The following ZNF407 variants were observed in gnomAD, a reference collection of about 807,000 sequenced individuals.
The protein encoded by ZNF407 is zinc finger protein 407.
In ZNF407, 17 loss-of-function variants were observed where a neutral mutation model predicts 131.2. The ratio of observed to expected loss-of-function variants is 0.13; its 90% CI spans 0.09 to 0.19. The LOEUF (loss-of-function observed/expected upper bound fraction) is 0.19. Ranked by LOEUF, ZNF407 falls within the 10% of genes least tolerant of loss-of-function variation. The probability of loss-of-function intolerance (pLI) is 1.00; values close to 1 mark genes in which losing one functional copy is unlikely to be tolerated. For synonymous variants in ZNF407, 1,156 were observed against 1,062.0 expected, an observed-to-expected ratio of 1.09 and a Z score of -1.72; for missense variants, 2,681 against 2,830.6, an observed-to-expected ratio of 0.95 and a Z score of 1.20.
intron 4 of ZNF407, among the ~76,000 whole-genome samples, chr18:74,813,465 C>G (rs1436391124): frequency 1.6e-5 from 2 of 125,402 alleles, no homozygotes; most frequent in Non-Finnish European, 3.1e-5. Context: ...TGCGTCACCC[C>G]CTTCACCCCA....
chr18:74,765,346 C>T (rs960936786), intron 3 of ZNF407, among the ~76,000 whole-genome samples: 3 of 151,900 alleles, frequency 2.0e-5, no homozygotes, highest in Admixed American at 6.6e-5. Flanking sequence ...TCATTGAATT[C>T]TAGACATTGT....
chr18:74,893,271 G>C (rs1400297080), intron 7 of ZNF407, among the ~76,000 whole-genome samples: 1 of 152,152 alleles, frequency 6.6e-6, no homozygotes, highest in Non-Finnish European at 1.5e-5. Context: ...ATAGCTACCA[G>C]ATTTCCCTTT....
At position 74,633,512 on chromosome 18, in the gene ZNF407, T is replaced by A. The variant is rs202084477; in HGVS notation, c.2493T>A (p.Asp831Glu). The part of the protein sequence containing the change: ...LSQSGGSTKD[D>E]ELASTTTPKR... The stretch of plus-strand genomic sequence containing the variant: ...AGTCTGGTGGTAGCACCAAAGATGA[T>A]GAATTAGCTTCAACCACTACTCCAA... The change falls in exon 2 of 9, where the codon GAT (aspartate) becomes GAA (glutamate). Residue 831 changes from aspartate to glutamate, a missense_variant. Physicochemically the swap from Asp to Glu is conservative, Grantham distance 45. Coordinates refer to ENST00000299687, the MANE Select transcript of ZNF407 (RefSeq NM_017757.3). 173 of 1,613,826 alleles carry A rather than the reference T, an allele frequency of 1.1e-4. No individual in the cohort carries two copies. Among genetic ancestry groups the A allele is most frequent in the Non-Finnish European group, 1.4e-4 (163 of 1,179,876 alleles).
intron 8 of ZNF407, among the ~76,000 whole-genome samples, chr18:75,007,118 TC>T (rs1972919709): frequency 6.6e-6 from 1 of 152,230 alleles, no homozygotes; most frequent in Non-Finnish European, 1.5e-5. Flanking sequence ...CATAATCCTG[TC>T]TGGAAAACTT....
At chr18:74,736,631 A>G (rs1192978956) in intron 3 of ZNF407, among the ~76,000 whole-genome samples, 1 of 152,200 alleles carries the variant, frequency 6.6e-6, no homozygotes, top group Non-Finnish European at 1.5e-5. Flanking sequence ...CAACTGTTCT[A>G]TGATGGCTGT....
At chr18:74,882,939 C>T (rs1971257697) in intron 6 of ZNF407, among the ~76,000 whole-genome samples, 1 of 152,218 alleles carries the variant, frequency 6.6e-6, no homozygotes, top group South Asian at 2.1e-4. Context: ...CCTTGTCCCA[C>T]CTGGTATGGC....
intron 8 of ZNF407, among the ~76,000 whole-genome samples, chr18:74,972,594 T>G (rs975274750): frequency 6.6e-6 from 1 of 152,242 alleles, no homozygotes; most frequent in Non-Finnish European, 1.5e-5. Flanking sequence ...CACCTTGATT[T>G]CCTTTGGCTT....
intron 6 of ZNF407, among the ~76,000 whole-genome samples, chr18:74,882,075 G>C (rs1033240717): frequency 7.9e-5 from 12 of 152,118 alleles, no homozygotes; most frequent in African/African-American, 2.4e-4. Context: ...CCTCCCACCA[G>C]GTCTCTCCCA....
chr18:74,806,430 G>A (rs1164689605), intron 4 of ZNF407, among the ~76,000 whole-genome samples: 2 of 152,210 alleles, frequency 1.3e-5, no homozygotes, highest in Admixed American at 1.3e-4. Flanking sequence ...GGAGGAAGGC[G>A]AGAGCCAGGG....
chr18:75,050,912 A>G (rs1216884656), intron 8 of ZNF407, among the ~76,000 whole-genome samples: 2 of 152,322 alleles, frequency 1.3e-5, no homozygotes, highest in East Asian at 3.9e-4. Context: ...ACCAGAGCTC[A>G]TGCTCTTTCT....
intron 4 of ZNF407, among the ~76,000 whole-genome samples, chr18:74,812,033 T>TA (rs891507011): frequency 1.6e-4 from 24 of 151,154 alleles, no homozygotes; most frequent in East Asian, 1.2e-3. Context: ...AGTATAAAAA[T>TA]AAAAAAAAAT....
At chr18:74,918,727 G>T (rs1305109908) in intron 7 of ZNF407, among the ~76,000 whole-genome samples, 1 of 151,910 alleles carries the variant, frequency 6.6e-6, no homozygotes, top group Non-Finnish European at 1.5e-5. Context: ...TTAAAAAGGT[G>T]TTATTGTTAT....
At chr18:75,060,756 C>T (rs1053471026) in intron 8 of ZNF407, among the ~76,000 whole-genome samples, 6 of 152,182 alleles carry the variant, frequency 3.9e-5, no homozygotes, top group Admixed American at 6.5e-5. Flanking sequence ...CCGTCCGCCT[C>T]GGCCTCCCAA....
chr18:74,752,826 T>C (rs1968838695), intron 3 of ZNF407, among the ~76,000 whole-genome samples: 1 of 152,210 alleles, frequency 6.6e-6, no homozygotes, highest in South Asian at 2.1e-4. Context: ...CCAGCTTTGT[T>C]CTTTTGGATT....
chr18:74,702,546 CATGTG>C (rs1967523715), intron 3 of ZNF407, among the ~76,000 whole-genome samples: 1 of 151,880 alleles, frequency 6.6e-6, no homozygotes, highest in South Asian at 2.1e-4. Context: ...GACTGTAAGG[CATGTG>C]GATATTTTTG....
At chr18:74,942,161 C>T (rs1176816580) in intron 8 of ZNF407, among the ~76,000 whole-genome samples, 1 of 152,174 alleles carries the variant, frequency 6.6e-6, no homozygotes, top group Non-Finnish European at 1.5e-5. Flanking sequence ...AGGAAAGGAG[C>T]TTGTGATTCT....
chr18:74,621,097 GTATCTCTT>G (rs1227998029), intron 1 of ZNF407, among the ~76,000 whole-genome samples: 3 of 86,808 alleles, frequency 3.5e-5, no homozygotes, highest in African/African-American at 9.2e-5. Flanking sequence ...TCGCTCTACT[GTATCTCTT>G]TATTATTATT....
intron 4 of ZNF407, among the ~76,000 whole-genome samples, chr18:74,814,946 T>C (rs996186992): frequency 2.6e-5 from 4 of 151,904 alleles, no homozygotes; most frequent in Admixed American, 2.0e-4. Flanking sequence ...ATATAATCTT[T>C]ATTAATCAGA....
intron 3 of ZNF407, among the ~76,000 whole-genome samples, chr18:74,686,795 A>T (rs1015992456): frequency 6.6e-6 from 1 of 152,104 alleles, no homozygotes; most frequent in African/African-American, 2.4e-5. Context: ...ACAAAGGTAA[A>T]TTTTTTCTTT....
Sources: gnomAD v4.1 joint callset for allele counts (sites outside exome capture counted in the v4.1 genomes callset) on GRCh38, gnomAD v4.1.1 for gene constraint, MANE v1.5 for transcripts, NCBI Gene and HGNC (gene_info 2026-07-23, HGNC 2026-07-21) for gene names.